Variants in RBM12 observed in about 807,000 individuals in gnomAD.
RBM12 encodes RNA-binding protein 12.
In RBM12, 24 loss-of-function variants were observed where a neutral mutation model predicts 37.2. The ratio of observed to expected loss-of-function variants is 0.65; its 90% CI spans 0.47 to 0.91. The LOEUF (loss-of-function observed/expected upper bound fraction) is 0.91. RBM12 is among the 40% of genes least tolerant of loss of function. The pLI, the probability that RBM12 is intolerant of heterozygous loss-of-function variation, is 0.00. For missense variants in RBM12, 1,061 were observed against 1,183.2 expected (o/e 0.90, Z 1.52); for synonymous variants, 420 against 425.2 (o/e 0.99, Z 0.15).
At chr20:35,664,206 G>A (rs775308495) in intron 1 of RBM12, among the ~76,000 whole-genome samples, 8 of 152,166 alleles carry the variant, frequency 5.3e-5, no homozygotes, top group Admixed American at 2.0e-4. Flanking sequence ...GAAGGCGGCC[G>A]GTTGTGACAC....
chr20:35,652,493 A>C lies in RBM12; in HGVS notation c.*31T>G. ...GGATGCATTAATCACAGCAATATGA[A>C]GATCTACCCTATAAAAAATGATGTG... is the stretch of plus-strand genomic sequence containing the variant. On this transcript the variant is annotated 3_prime_UTR_variant, in exon 3 of 3. Coordinates refer to ENST00000374114, the MANE Select transcript of RBM12 (RefSeq NM_006047.6). 4 of 1,575,256 alleles carry C rather than the reference A, an allele frequency of 2.5e-6. No homozygotes were observed. The highest frequency in any genetic ancestry group is 3.4e-6 in the Non-Finnish European group (4 of 1,161,820).
intron 1 of RBM12, among the ~76,000 whole-genome samples, chr20:35,664,171 G>A (rs1205615828): frequency 6.6e-6 from 1 of 151,974 alleles, no homozygotes; most frequent in Non-Finnish European, 1.5e-5. Flanking sequence ...GCATTTCACT[G>A]CAAACCCCTC....
At chr20:35,661,813 C>CA (rs1372882827) in intron 1 of RBM12, among the ~76,000 whole-genome samples, 1 of 152,148 alleles carries the variant, frequency 6.6e-6, no homozygotes, top group Non-Finnish European at 1.5e-5. Flanking sequence ...AGTAAACATC[C>CA]AAAAGTGAAC....
rs747644264 is a variant in RBM12, at chr20:35,653,322, A to G, written c.2001T>C (p.Leu667=). 6.2e-7 allele frequency: 1 copy of G among 1,613,682 alleles called. No individual in the cohort carries two copies. The highest frequency in any genetic ancestry group is 8.5e-7 in the Non-Finnish European group (1 of 1,179,820). ...CTGTGCTGGGCAGGCCTGCACCGGG[A>G]AGTCCTGCACTGGGCAGTCCCACAC... is the stretch of plus-strand genomic sequence containing the variant. The part of the protein sequence containing the change: ...LPGVGLPSAG[L]PGAGLPSTGL... Residue 667 remains leucine, a synonymous_variant, in exon 3 of 3, where the codon CTT becomes CTC. Coordinates refer to ENST00000374114, the MANE Select transcript of RBM12 (RefSeq NM_006047.6).
chr20:35,650,767 CCA>C lies in RBM12; in HGVS notation c.*1755_*1756del, dbSNP rs1322628537. On this transcript the variant is annotated 3_prime_UTR_variant, in exon 3 of 3. Coordinates refer to ENST00000374114, the MANE Select transcript of RBM12 (RefSeq NM_006047.6). ...CAAATCTTATCAAATGAAACTGTTG[CCA>C]CTCTTAAATTACACAACCGCTGTAT... 3 of 152,540 alleles carry C rather than the reference CCA, an allele frequency of 2.0e-5. No homozygotes were observed. The highest frequency in any genetic ancestry group is 7.2e-5 in the African/African-American group (3 of 41,398). The allele number at this position is 152,540 out of a possible 1,614,324, so 9.4% of individuals were successfully genotyped here.
chr20:35,654,685 G>A lies in RBM12; in HGVS notation c.638C>T (p.Pro213Leu). 6.2e-7 allele frequency: 1 copy of A among 1,613,626 alleles called. No homozygotes were observed. The highest frequency in any genetic ancestry group is 8.5e-7 in the Non-Finnish European group (1 of 1,179,576). ...PSIPPIPVPP[P>L]VPTLPPVPPV... ...AGGCACAGGAGGCAATGTAGGTACT[G>A]GAGGAGGAACTGGAATTGGGGGAAT... Residue 213 changes from proline (P) to leucine (L), a missense_variant, in exon 3 of 3, where the codon CCA (proline) becomes CTA (leucine). Physicochemically the swap from Pro to Leu is moderately conservative, Grantham distance 98. Coordinates refer to ENST00000374114, the MANE Select transcript of RBM12 (RefSeq NM_006047.6).
In RBM12 at chr20:35,649,982, A is replaced by T. The variant is rs959474767; in HGVS notation, c.*2542T>A. ...TAATGTCAATTCATTTCTACCCCAA[A>T]CCTAGTTCTTAGGAGAAAATTCGCA... On this transcript the variant is annotated 3_prime_UTR_variant, in exon 3 of 3. Coordinates refer to ENST00000374114, the MANE Select transcript of RBM12 (RefSeq NM_006047.6). 1 of 152,564 alleles carries T rather than the reference A, an allele frequency of 6.6e-6. No individual in the cohort carries two copies. The highest frequency in any genetic ancestry group is 2.4e-5 in the African/African-American group (1 of 41,446). The allele number at this position is 152,564 out of a possible 1,614,324, so 9.5% of individuals were successfully genotyped here. A position where few individuals can be genotyped will look rare whatever the true frequency, so the allele number is the denominator to read the frequency against.
At chr20:35,660,849 C>T (rs1022791616) in intron 1 of RBM12, among the ~76,000 whole-genome samples, 3 of 152,136 alleles carry the variant, frequency 2.0e-5, no homozygotes, top group African/African-American at 7.2e-5. Flanking sequence ...TCAAAAGATA[C>T]CGTATGTCTA....
In RBM12 at chr20:35,654,357, A is replaced by G. The variant is rs1030373080; in HGVS notation, c.966T>C (p.Asp322=). The G allele has an allele frequency of 6.2e-7, 1 of 1,614,242 alleles. No individual in the cohort carries two copies. Residue 322 remains aspartate (D), a synonymous_variant, in exon 3 of 3, where the codon GAT becomes GAC. Transcript: ENST00000374114. The part of the protein sequence containing the change: ...PFSAMENDVR[D]FFHGLRVDAV... ...CATCAACACGGAGCCCATGAAAAAAATCTCTGACATCATTTTCCATTGCAG... is the reference window on the plus strand; with the variant it reads ...CATCAACACGGAGCCCATGAAAAAAGTCTCTGACATCATTTTCCATTGCAG...
At chr20:35,655,798 A>C (rs1019930720) in intron 2 of RBM12, among the ~76,000 whole-genome samples, 10 of 152,244 alleles carry the variant, frequency 6.6e-5, no homozygotes, top group Non-Finnish European at 1.0e-4. Context: ...TCATAGAATT[A>C]TCAAGAGTGT....
chr20:35,661,274 T>C (rs1330717655), intron 1 of RBM12, among the ~76,000 whole-genome samples: 1 of 152,210 alleles, frequency 6.6e-6, no homozygotes, highest in African/African-American at 2.4e-5. Flanking sequence ...CACAAGAATT[T>C]AACATAAGTG....
chr20:35,661,177 C>G (rs1006616015), intron 1 of RBM12, among the ~76,000 whole-genome samples: 1 of 152,160 alleles, frequency 6.6e-6, no homozygotes, highest in Non-Finnish European at 1.5e-5. Flanking sequence ...AACTTCACAA[C>G]CCTTGGTATT....
intron 2 of RBM12, 99 bp from the exon 3 acceptor site, chr20:35,655,443 A>G (rs2033839253): frequency 6.9e-6 from 7 of 1,012,548 alleles, no homozygotes; most frequent in Non-Finnish European, 8.5e-6. Flanking sequence ...GCCCTCAAAT[A>G]TTCCCTCAAG....
chr20:35,657,269 C>T (rs568799980), intron 2 of RBM12, among the ~76,000 whole-genome samples: 1 of 152,330 alleles, frequency 6.6e-6, no homozygotes, highest in East Asian at 1.9e-4. Context: ...TCTCTTTTCT[C>T]ATTTACTATT....
chr20:35,653,599 T>A lies in RBM12; in HGVS notation c.1724A>T (p.His575Leu). The change falls in exon 3 of 3, where the codon CAT (histidine) becomes CTT (leucine). Residue 575 changes from histidine to leucine, a missense_variant. Physicochemically the swap from His to Leu is moderately conservative, Grantham distance 99 (BLOSUM62 -3). Coordinates refer to ENST00000374114, the MANE Select transcript of RBM12 (RefSeq NM_006047.6). The stretch of plus-strand genomic sequence containing the variant: ...TTGCCCATTGTTATCAACAAGAACA[T>A]GTACAGCATTTTCATCCACTGGGAT... ...EGIPVDENAV[H>L]VLVDNNGQGL... 1 of 1,614,210 alleles carries A rather than the reference T, an allele frequency of 6.2e-7. No individual in the cohort carries two copies. The highest frequency in any genetic ancestry group is 1.1e-5 in the South Asian group (1 of 91,084).
chr20:35,652,993 T>C lies in RBM12; in HGVS notation c.2330A>G (p.Asn777Ser). 9 of 1,613,806 alleles carry C rather than the reference T, an allele frequency of 5.6e-6. No individual in the cohort carries two copies. The highest frequency in any genetic ancestry group is 6.8e-6 in the Non-Finnish European group (8 of 1,180,024). ...AAATCCCGATGGCCCACTTAAATTGTTTGGTCCACCTCCAAAACCCGGAAC... is the reference window on the plus strand; with the variant it reads ...AAATCCCGATGGCCCACTTAAATTGCTTGGTCCACCTCCAAAACCCGGAAC... ...LDVPGFGGGPNNLSGPSGFGG... is the reference protein window; with the variant it reads ...LDVPGFGGGPSNLSGPSGFGG... The change falls in exon 3 of 3, where the codon AAC becomes AGC. Residue 777 changes from asparagine to serine, a missense_variant. By Grantham distance (46) the Asn-to-Ser change is conservative. Coordinates refer to ENST00000374114, the MANE Select transcript of RBM12 (RefSeq NM_006047.6).
rs1369956688 is a variant in RBM12 at position 35,654,047 on chromosome 20, G to A, written c.1276C>T (p.His426Tyr). 13 of 1,614,066 alleles carry A rather than the reference G, an allele frequency of 8.1e-6. No homozygotes were observed. Among genetic ancestry groups the A allele is most frequent in the Non-Finnish European group, 1.0e-5 (12 of 1,180,020 alleles). The change falls in exon 3 of 3, where the codon CAT (histidine) becomes TAT (tyrosine). Residue 426 changes from histidine (H) to tyrosine (Y), a missense_variant. Physicochemically the swap from His to Tyr is moderately conservative, Grantham distance 83. Transcript: ENST00000374114. The stretch of plus-strand genomic sequence containing the variant: ...AAGTAAACACAAAAACCAGCCTCAT[G>A]TGGTGATCTTGACCTTGATCTTTTC... Reference protein sequence around the residue: ...GQKRSRSRSPHEAGFCVYLKG... With the variant: ...GQKRSRSRSPYEAGFCVYLKG...
Position 35,655,344 on chromosome 20 carries a change from C to A in RBM12, c.-22G>T. Reference sequence around the variant, plus strand: ...CCATGCTGCGCTGAAACCACACACACCTGCAGATGAGAAAAGGCAACGGCC... The same window carrying A: ...CCATGCTGCGCTGAAACCACACACAACTGCAGATGAGAAAAGGCAACGGCC... On this transcript the variant is annotated splice_region_variant and 5_prime_UTR_variant, in exon 3 of 3. Coordinates refer to ENST00000374114, the MANE Select transcript of RBM12 (RefSeq NM_006047.6). 1 of 1,586,902 alleles carries A rather than the reference C, an allele frequency of 6.3e-7. No homozygotes were observed.
chr20:35,656,031 C>CA (rs1568940572), intron 2 of RBM12, among the ~76,000 whole-genome samples: 1 of 152,202 alleles, frequency 6.6e-6, no homozygotes, highest in African/African-American at 2.4e-5. Context: ...ACTAAGAAGC[C>CA]AAAAGAACTA....
Sources: gnomAD v4.1 joint callset for allele counts (sites outside exome capture counted in the v4.1 genomes callset) on GRCh38, gnomAD v4.1.1 for gene constraint, MANE v1.5 for transcripts, NCBI Gene and HGNC (gene_info 2026-07-23, HGNC 2026-07-21) for gene names.